Variants in FRMPD4 observed in about 807,000 individuals in gnomAD.
FRMPD4 encodes the protein FERM and PDZ domain containing 4.
Under a neutral mutation model 94.1 loss-of-function variants are expected in FRMPD4, and 22 were observed. That is an observed-to-expected ratio of 0.23 (90% CI 0.17 to 0.33). The LOEUF (loss-of-function observed/expected upper bound fraction) is 0.33, where lower values mean the gene tolerates loss of function less well. FRMPD4 is among the 10% of genes least tolerant of loss of function. FRMPD4 has a pLI of 1.00. For synonymous variants in FRMPD4, 631 were observed against 548.6 expected, an observed-to-expected ratio of 1.15 and a Z score of -2.10; for missense variants, 1,111 against 1,339.9, an observed-to-expected ratio of 0.83 and a Z score of 2.67.
At chrX:12,636,309 T>C (rs953385541) in intron 4 of FRMPD4, among the ~76,000 whole-genome samples, 1 of 111,746 alleles carries the variant, frequency 8.9e-6, no homozygotes, top group African/African-American at 3.3e-5. Context: ...TTTTTAAAGT[T>C]TTTTGTCCTA....
chrX:12,228,523 C>T (rs935604732), intron 1 of FRMPD4, among the ~76,000 whole-genome samples: 1 of 111,895 alleles, frequency 8.9e-6, no homozygotes, highest in Non-Finnish European at 1.9e-5. Flanking sequence ...TTAACCCTGG[C>T]ACTGCATTGT....
chrX:12,007,336 G>A (rs2054558934), intron 3 of FRMPD4, among the ~76,000 whole-genome samples: 1 of 112,475 alleles, frequency 8.9e-6, no homozygotes, highest in South Asian at 3.8e-4. Flanking sequence ...GTTCACCTTG[G>A]AGATTGAGCA....
rs772979650 is a variant in FRMPD4 at position 12,593,732 on chromosome X, G to A, written c.159-15989G>A. ...GTTTAATTTCTAAGAATATTCCCTC[G>A]GTCTCATGTTTCTTTTTTTTTCCAG... is the stretch of plus-strand genomic sequence containing the variant. On this transcript the variant is annotated intron_variant, in intron 2 of 16. Coordinates refer to ENST00000675598, the MANE Select transcript of FRMPD4 (RefSeq NM_001368397.1). 2.7e-5 allele frequency among the ~76,000 whole-genome samples: 3 copies of A among 110,617 alleles called. No individual in the cohort carries two copies. In the South Asian group the frequency reaches 1.1e-3, roughly 42 times the overall value.
intron 1 of FRMPD4, among the ~76,000 whole-genome samples, chrX:11,825,590 G>A (rs2053439253): frequency 9.4e-6 from 1 of 106,070 alleles, no homozygotes; most frequent in South Asian, 3.9e-4. Flanking sequence ...ATAACAATAT[G>A]TATCCTGATA....
chrX:12,107,465 A>C (rs1049937866), intron 3 of FRMPD4, among the ~76,000 whole-genome samples: 9 of 112,292 alleles, frequency 8.0e-5, no homozygotes, highest in African/African-American at 1.3e-4. Flanking sequence ...AGAGCAGGAA[A>C]GCTGAAGATT....
intron 2 of FRMPD4, among the ~76,000 whole-genome samples, chrX:12,549,004 C>T (rs952005867): frequency 1.8e-5 from 2 of 111,547 alleles, no homozygotes; most frequent in East Asian, 2.8e-4. Flanking sequence ...CTGATTCCCT[C>T]CCAGGTCGAT....
chrX:11,891,476 G>A (rs1481830633), intron 3 of FRMPD4, among the ~76,000 whole-genome samples: 2 of 112,648 alleles, frequency 1.8e-5, no homozygotes, highest in Admixed American at 1.9e-4. Context: ...GGCCAAGAAA[G>A]CAAGCTGGAG....
rs201794656 is a variant in FRMPD4, at chrX:11,909,846, G to GT, written c.95+31837dup. ...CAAATGTGTGAGAGATTTTCCTAGT[G>GT]TTTTTTTTTCTGTTGATCTCTAGTT... On this transcript the variant is annotated intron_variant, in intron 3 of 18. Transcript: ENST00000640291. 9.7e-3 allele frequency among the ~76,000 whole-genome samples: 1,042 copies of GT among 107,271 alleles called. 8 individuals are homozygous for GT. The highest frequency in any genetic ancestry group is 0.016 in the Non-Finnish European group (826 of 51,626). The allele number at this position is 107,271 out of a possible 115,157, so 93.2% of individuals were successfully genotyped here.
At chrX:11,898,686 A>T (rs1038873999) in intron 3 of FRMPD4, among the ~76,000 whole-genome samples, 2 of 112,671 alleles carry the variant, frequency 1.8e-5, no homozygotes, top group Non-Finnish European at 3.7e-5. Context: ...AATATTAATT[A>T]AAAAAGAAAA....
At chrX:12,516,963 G>A (rs1218014182) in intron 2 of FRMPD4, among the ~76,000 whole-genome samples, 3 of 89,426 alleles carry the variant, frequency 3.4e-5, no homozygotes, top group African/African-American at 8.6e-5. Context: ...TAGTCTTCAT[G>A]CTCTGAAATT....
intron 2 of FRMPD4, among the ~76,000 whole-genome samples, chrX:12,528,001 T>G (rs1168295946): frequency 1.8e-5 from 2 of 112,440 alleles, no homozygotes; most frequent in Non-Finnish European, 3.8e-5. Context: ...AATTTATTGA[T>G]TAATTGCCAT....
At chrX:12,646,280 A>G (rs925875148) in intron 4 of FRMPD4, among the ~76,000 whole-genome samples, 3 of 112,154 alleles carry the variant, frequency 2.7e-5, no homozygotes, top group African/African-American at 9.7e-5. Flanking sequence ...CTATTAATAT[A>G]AAACAGAAAG....
At chrX:11,992,987 GT>G (rs58882086) in intron 3 of FRMPD4, among the ~76,000 whole-genome samples, 88 of 89,190 alleles carry the variant, frequency 9.9e-4, no homozygotes, top group South Asian at 2.1e-3. Flanking sequence ...CTGGTCCTTT[GT>G]TTTTTTTTTT....
At position 12,482,433 on chromosome X, in the gene FRMPD4, T is replaced by G. The variant is rs755045505; in HGVS notation, c.42-16247T>G. Among the ~76,000 whole-genome samples the G allele has an allele frequency of 1.5e-4, 17 of 111,922 alleles. No individual in the cohort carries two copies. The South Asian group carries it at 6.5e-3, about 43-fold the overall frequency. On this transcript the variant is annotated intron_variant, in intron 1 of 16. Coordinates refer to ENST00000675598, the MANE Select transcript of FRMPD4 (RefSeq NM_001368397.1). Reference sequence around the variant, plus strand: ...TTCTTAATGTAGTTCTTGTGTTCATTTAACAAATATATGTGAGTGCCTACT... The same window carrying G: ...TTCTTAATGTAGTTCTTGTGTTCATGTAACAAATATATGTGAGTGCCTACT...
chrX:12,339,543 A>C, intron 1 of FRMPD4, among the ~76,000 whole-genome samples: 1 of 112,255 alleles, frequency 8.9e-6, no homozygotes, highest in East Asian at 2.8e-4. Context: ...CTGGGAAAGT[A>C]TGAAGTAAGA....
intron 1 of FRMPD4, among the ~76,000 whole-genome samples, chrX:11,849,694 C>A: frequency 1.1e-5 from 1 of 94,823 alleles, no homozygotes; most frequent in East Asian, 3.3e-4. Context: ...TTTTTTTTTT[C>A]CAACAAGTGG....
intron 1 of FRMPD4, among the ~76,000 whole-genome samples, chrX:12,377,748 C>T (rs1010736826): frequency 2.7e-5 from 3 of 112,545 alleles, no homozygotes; most frequent in Non-Finnish European, 5.6e-5. Flanking sequence ...CTAGAAGTCG[C>T]GATGCTCGCA....
At chrX:12,692,690 C>T (rs2060090258) in intron 8 of FRMPD4, among the ~76,000 whole-genome samples, 1 of 112,174 alleles carries the variant, frequency 8.9e-6, no homozygotes. Context: ...TTCCCAAAAC[C>T]AGTGTAACCT....
chrX:12,098,138 G>A (rs2055222151), intron 3 of FRMPD4, among the ~76,000 whole-genome samples: 1 of 111,721 alleles, frequency 9.0e-6, no homozygotes, highest in Non-Finnish European at 1.9e-5. Flanking sequence ...TTTGTTTGAG[G>A]ACTGGTTACC....
Sources: gnomAD v4.1 joint callset for allele counts (sites outside exome capture counted in the v4.1 genomes callset) on GRCh38, gnomAD v4.1.1 for gene constraint, MANE v1.5 for transcripts, NCBI Gene and HGNC (gene_info 2026-07-23, HGNC 2026-07-21) for gene names.